Variants in KCNIP4 observed in about 807,000 individuals in gnomAD.
KCNIP4 encodes potassium voltage-gated channel interacting protein 4, also known as Kv channel-interacting protein 4.
In KCNIP4, 12 loss-of-function variants were observed where a neutral mutation model predicts 34.0. That is an observed-to-expected ratio of 0.35 (90% confidence interval 0.23 to 0.57). The LOEUF (loss-of-function observed/expected upper bound fraction) is 0.57. Among genes scored for constraint, KCNIP4 ranks in the 20% least tolerant of loss-of-function variants. The probability of loss-of-function intolerance (pLI) is 0.83; values close to 1 mark genes in which losing one functional copy is unlikely to be tolerated. For synonymous variants in KCNIP4, 124 were observed against 102.2 expected, an observed-to-expected ratio of 1.21 and a Z score of -1.29; for missense variants, 238 against 311.7, an observed-to-expected ratio of 0.76 and a Z score of 1.78.
At chr4:21,029,756 G>A (rs188967153) in intron 1 of KCNIP4, among the ~76,000 whole-genome samples, 2 of 152,178 alleles carry the variant, frequency 1.3e-5, no homozygotes, top group African/African-American at 4.8e-5. Context: ...ATTATGGAAG[G>A]TGAGTGGCCC....
chr4:20,937,222 CTTTTTTTTTTTTTT>C (rs397992488), intron 1 of KCNIP4, among the ~76,000 whole-genome samples: 6 of 45,524 alleles, frequency 1.3e-4, no homozygotes, highest in Non-Finnish European at 1.7e-4. Context: ...CCCAAGGAGT[CTTTTTTTTTTTTTT>C]TTTTTTTTTT....
chr4:20,821,128 A>C (rs1717055364), intron 3 of KCNIP4, among the ~76,000 whole-genome samples: 2 of 152,322 alleles, frequency 1.3e-5, no homozygotes, highest in Middle Eastern at 6.8e-3. Flanking sequence ...GCTGTGCCCA[A>C]CTAAGCCATG....
intron 1 of KCNIP4, among the ~76,000 whole-genome samples, chr4:21,361,342 A>G (rs753097500): frequency 7.9e-5 from 12 of 152,132 alleles, no homozygotes; most frequent in Non-Finnish European, 1.8e-4. Flanking sequence ...ACTACCTGCA[A>G]TTACCTCAGG....
chr4:20,817,152 G>A (rs754579079), intron 3 of KCNIP4, among the ~76,000 whole-genome samples: 3 of 152,180 alleles, frequency 2.0e-5, no homozygotes, highest in Non-Finnish European at 4.4e-5. Context: ...ATAAAAGACT[G>A]CACAGTTTAC....
intron 1 of KCNIP4, among the ~76,000 whole-genome samples, chr4:21,754,635 T>C (rs566286712): frequency 6.6e-6 from 1 of 152,176 alleles, no homozygotes; most frequent in Non-Finnish European, 1.5e-5. Context: ...TCTTGATCAT[T>C]ACTCTAAATT....
chr4:21,424,231 A>C (rs546951373), intron 1 of KCNIP4, among the ~76,000 whole-genome samples: 1 of 152,208 alleles, frequency 6.6e-6, no homozygotes, highest in Admixed American at 6.5e-5. Context: ...CCTGGGGTCC[A>C]TATCTGGACT....
At chr4:21,193,548 T>C (rs907221291) in intron 1 of KCNIP4, among the ~76,000 whole-genome samples, 2 of 151,622 alleles carry the variant, frequency 1.3e-5, no homozygotes. Context: ...TCATTCAGTA[T>C]GGATCACTTA....
chr4:20,955,013 T>C (rs1733148162), intron 1 of KCNIP4, among the ~76,000 whole-genome samples: 1 of 152,180 alleles, frequency 6.6e-6, no homozygotes, highest in African/African-American at 2.4e-5. Context: ...TCAGCTCCAC[T>C]TGAATTTGGC....
intron 1 of KCNIP4, among the ~76,000 whole-genome samples, chr4:21,228,764 C>T (rs1375786498): frequency 1.3e-5 from 2 of 152,260 alleles, no homozygotes; most frequent in Non-Finnish European, 2.9e-5. Context: ...TTCCATATAA[C>T]ACTTTTGTTC....
In KCNIP4 at chr4:21,414,503, G is replaced by C. The variant is rs532109105; in HGVS notation, c.62-531794C>G. On this transcript the variant is annotated intron_variant, in intron 1 of 8. Coordinates refer to ENST00000382152, the MANE Select transcript of KCNIP4 (RefSeq NM_025221.6). ...CTGTGGAAATACCACTGAGAGAGCA[G>C]TTGCTATGATAAACATTATGGAAGA... Among the ~76,000 whole-genome samples the C allele has an allele frequency of 2.0e-4, 31 of 152,284 alleles. No homozygotes were observed. The South Asian group carries it at 6.2e-3, about 31-fold the overall frequency.
chr4:21,382,085 T>G (rs191278388), intron 1 of KCNIP4, among the ~76,000 whole-genome samples: 1 of 152,092 alleles, frequency 6.6e-6, no homozygotes, highest in African/African-American at 2.4e-5. Flanking sequence ...TTGGGATGTA[T>G]GCAGGATGTG....
chr4:21,020,744 A>C (rs1031768698), intron 1 of KCNIP4, among the ~76,000 whole-genome samples: 5 of 152,110 alleles, frequency 3.3e-5, no homozygotes, highest in Admixed American at 3.3e-4. Context: ...ATCATGATTC[A>C]CTCTTCCAGA....
intron 1 of KCNIP4, among the ~76,000 whole-genome samples, chr4:21,316,118 C>T (rs1713733028): frequency 6.6e-6 from 1 of 152,144 alleles, no homozygotes; most frequent in Non-Finnish European, 1.5e-5. Flanking sequence ...CTTTCATGAG[C>T]CCATCTTCCA....
At chr4:20,825,720 T>A (rs1032866061) in intron 3 of KCNIP4, among the ~76,000 whole-genome samples, 32 of 152,110 alleles carry the variant, frequency 2.1e-4, no homozygotes, top group African/African-American at 7.7e-4. Context: ...AGGTGGGAGA[T>A]GAGTCATGAA....
intron 1 of KCNIP4, among the ~76,000 whole-genome samples, chr4:21,781,219 C>T (rs1462845632): frequency 3.9e-5 from 6 of 152,028 alleles, no homozygotes; most frequent in African/African-American, 7.2e-5. Context: ...GTTTTATAAG[C>T]GTCTGGCATT....
chr4:21,416,287 G>C (rs1438828421), intron 1 of KCNIP4, among the ~76,000 whole-genome samples: 1 of 152,178 alleles, frequency 6.6e-6, no homozygotes, highest in East Asian at 1.9e-4. Context: ...TTCAAATTAT[G>C]TGTAACTTGG....
intron 1 of KCNIP4, among the ~76,000 whole-genome samples, chr4:21,670,592 T>G (rs934832970): frequency 4.6e-5 from 7 of 152,128 alleles, no homozygotes; most frequent in African/African-American, 1.7e-4. Flanking sequence ...TCGATCATAT[T>G]GAAGTTCAGT....
At chr4:21,110,278 TGTA>T (rs1366901731) in intron 1 of KCNIP4, among the ~76,000 whole-genome samples, 1 of 152,222 alleles carries the variant, frequency 6.6e-6, no homozygotes, top group African/African-American at 2.4e-5. Flanking sequence ...TTTATGATCA[TGTA>T]GGTGGGTTTA....
intron 1 of KCNIP4, among the ~76,000 whole-genome samples, chr4:21,761,518 C>CT (rs1254208599): frequency 1.3e-5 from 2 of 151,704 alleles, no homozygotes; most frequent in Admixed American, 1.3e-4. Context: ...ACCTCTCTCT[C>CT]TTTTTTTTAC....
Sources: gnomAD v4.1 joint callset for allele counts (sites outside exome capture counted in the v4.1 genomes callset) on GRCh38, gnomAD v4.1.1 for gene constraint, MANE v1.5 for transcripts, NCBI Gene and HGNC (gene_info 2026-07-23, HGNC 2026-07-21) for gene names.